Variants in NALF1 observed in about 807,000 individuals in gnomAD.
NALF1 encodes the protein family with sequence similarity 155 member A.
NALF1 carries 3 observed loss-of-function variants against 48.4 expected under a neutral mutation model. That is an observed-to-expected ratio of 0.06 (90% CI 0.03 to 0.16). The LOEUF is 0.16. NALF1 is among the 10% of genes least tolerant of loss of function. The pLI, the probability that NALF1 is intolerant of heterozygous loss-of-function variation, is 1.00. For missense variants in NALF1, 526 were observed against 571.5 expected (o/e 0.92, Z 0.81); for synonymous variants, 262 against 245.7 (o/e 1.07, Z -0.62).
rs377171697 is a variant in NALF1 at position 107,424,840 on chromosome 13, A to C, written c.916-214085T>G. The stretch of plus-strand genomic sequence containing the variant: ...CCTTGCAACCTCTTATGATTCGTAC[A>C]TAACAGTGCATTTACATGCAACTTT... On this transcript the variant is annotated intron_variant, in intron 1 of 2. Transcript: ENST00000375915. Among the ~76,000 whole-genome samples, 4 of 152,356 alleles carry C rather than the reference A, an allele frequency of 2.6e-5. No individual in the cohort carries two copies. The East Asian group carries it at 7.7e-4, about 29-fold the overall frequency.
intron 1 of NALF1, among the ~76,000 whole-genome samples, chr13:107,381,688 G>A (rs1883443204): frequency 6.6e-6 from 1 of 152,116 alleles, no homozygotes; most frequent in South Asian, 2.1e-4. Flanking sequence ...TTCATAGATG[G>A]TGTCAAGTTC....
chr13:107,410,714 T>A, intron 1 of NALF1, among the ~76,000 whole-genome samples: 1 of 152,096 alleles, frequency 6.6e-6, no homozygotes, highest in Admixed American at 6.6e-5. Context: ...TGTCAACAAG[T>A]CTCAGAAGAC....
chr13:107,216,673 G>A (rs1385650207), intron 1 of NALF1, among the ~76,000 whole-genome samples: 3 of 152,130 alleles, frequency 2.0e-5, no homozygotes, highest in Non-Finnish European at 4.4e-5. Flanking sequence ...AGGGCCTCCT[G>A]AGCTTGTTGG....
chr13:107,733,280 T>A (rs1010306316), intron 1 of NALF1, among the ~76,000 whole-genome samples: 5 of 152,166 alleles, frequency 3.3e-5, no homozygotes, highest in African/African-American at 1.2e-4. Context: ...CAGCAGCACA[T>A]TGCAAAAGCA....
intron 1 of NALF1, among the ~76,000 whole-genome samples, chr13:107,353,617 G>A (rs1221305397): frequency 1.3e-5 from 2 of 152,280 alleles, no homozygotes; most frequent in African/African-American, 4.8e-5. Flanking sequence ...TGTGGAAATG[G>A]TCAGAAGAAA....
intron 1 of NALF1, chr13:107,835,492 C>G (rs889160672): frequency 6.6e-6 from 1 of 152,200 alleles, no homozygotes; most frequent in African/African-American, 2.4e-5. Flanking sequence ...CTTTCCTCAG[C>G]TGGTCCTGTC....
intron 2 of NALF1, among the ~76,000 whole-genome samples, chr13:107,180,042 CTGA>C (rs1555325077): frequency 1.3e-5 from 2 of 149,886 alleles, no homozygotes; most frequent in Non-Finnish European, 3.0e-5. Context: ...CCCATTTAGC[CTGA>C]TGAGATTATT....
At chr13:107,864,581 A>G (rs986477650) in intron 1 of NALF1, among the ~76,000 whole-genome samples, 1 of 152,222 alleles carries the variant, frequency 6.6e-6, no homozygotes, top group Admixed American at 6.5e-5. Context: ...ATTTCCCTTG[A>G]AAAGCAGTAC....
At chr13:107,672,492 G>A (rs1055131514) in intron 1 of NALF1, among the ~76,000 whole-genome samples, 6 of 152,052 alleles carry the variant, frequency 3.9e-5, no homozygotes, top group Non-Finnish European at 8.8e-5. Context: ...CTCATCCTCA[G>A]CACCACTGTG....
At chr13:107,220,190 G>T (rs928957616) in intron 1 of NALF1, among the ~76,000 whole-genome samples, 1 of 152,182 alleles carries the variant, frequency 6.6e-6, no homozygotes, top group African/African-American at 2.4e-5. Flanking sequence ...TTTTGTCATT[G>T]CATTTGCTCC....
At chr13:107,556,469 A>G (rs1877487584) in intron 1 of NALF1, among the ~76,000 whole-genome samples, 1 of 151,924 alleles carries the variant, frequency 6.6e-6, no homozygotes, top group East Asian at 1.9e-4. Context: ...TGAATTCATT[A>G]TCTGTTTATT....
intron 1 of NALF1, among the ~76,000 whole-genome samples, chr13:107,669,212 A>C (rs1880932473): frequency 1.3e-5 from 2 of 152,136 alleles, no homozygotes; most frequent in African/African-American, 4.8e-5. Flanking sequence ...GGAGAGACTC[A>C]ATATAATTGA....
chr13:107,202,520 G>C (rs1461909612), intron 2 of NALF1, among the ~76,000 whole-genome samples: 2 of 151,990 alleles, frequency 1.3e-5, no homozygotes, highest in Non-Finnish European at 1.5e-5. Context: ...ATTTATTTGT[G>C]TGTGTGTGTA....
At chr13:107,251,612 T>C (rs1229940065) in intron 1 of NALF1, among the ~76,000 whole-genome samples, 4 of 152,146 alleles carry the variant, frequency 2.6e-5, no homozygotes, top group African/African-American at 9.7e-5. Flanking sequence ...AAGAGAACTC[T>C]TAGCTGAAGG....
At chr13:107,862,787 C>A (rs1377906626) in intron 1 of NALF1, among the ~76,000 whole-genome samples, 1 of 151,700 alleles carries the variant, frequency 6.6e-6, no homozygotes, top group Admixed American at 6.6e-5. Context: ...CAATTTAAAT[C>A]AAAATGAAAT....
chr13:107,268,948 G>A (rs890123520), intron 1 of NALF1, among the ~76,000 whole-genome samples: 16 of 152,132 alleles, frequency 1.1e-4, no homozygotes, highest in Middle Eastern at 3.2e-3. Flanking sequence ...ATAGTAATGT[G>A]ATTAGATGAG....
In NALF1 at chr13:107,644,657, A is replaced by ATATATATATG. The variant is rs1555314859; in HGVS notation, c.915+221015_915+221024dup. ...TACATACATACATACATATATATAT[A>ATATATATATG]TATATATATGCTTTCACTTAAGTTG... On this transcript the variant is annotated intron_variant, in intron 1 of 2. Transcript: ENST00000375915. Among the ~76,000 whole-genome samples, 21 of 137,798 alleles carry ATATATATATG rather than the reference A, an allele frequency of 1.5e-4. 1 individual carries two copies. The highest frequency in any genetic ancestry group is 7.0e-4 in the South Asian group (3 of 4,286). 90.4% of individuals were successfully genotyped at this position (137,798 alleles called of 152,430 possible).
intron 1 of NALF1, among the ~76,000 whole-genome samples, chr13:107,458,839 A>C (rs1164539824): frequency 6.6e-6 from 1 of 152,170 alleles, no homozygotes; most frequent in Non-Finnish European, 1.5e-5. Flanking sequence ...TTGTTGGCTC[A>C]GTCAATTTAT....
chr13:107,550,721 T>C (rs905939004), intron 1 of NALF1, among the ~76,000 whole-genome samples: 2 of 152,142 alleles, frequency 1.3e-5, no homozygotes, highest in Non-Finnish European at 2.9e-5. Context: ...ATTAAGAATG[T>C]GAAGAGCTGA....
Sources: allele counts gnomAD v4.1 joint callset (sites outside exome capture counted in the v4.1 genomes callset), GRCh38; gene constraint gnomAD v4.1.1; transcripts MANE v1.5; gene names NCBI Gene and HGNC (gene_info 2026-07-23, HGNC 2026-07-21).